RTL4: variants seen among roughly 807,000 people sequenced by gnomAD.
The protein encoded by RTL4 is retrotransposon Gag-like protein 4.
Under a neutral mutation model 5.3 loss-of-function variants are expected in RTL4, and 4 were observed. The observed-to-expected ratio is 0.75, with a 90% confidence interval of 0.37 to 1.72. The LOEUF (loss-of-function observed/expected upper bound fraction) is 1.72. Ranked by LOEUF, RTL4 falls within the 40% of genes most tolerant of loss-of-function variation. The pLI is 0.04. For missense variants in RTL4, 260 were observed against 227.1 expected (o/e 1.14, Z -0.93); for synonymous variants, 98 against 87.3 (o/e 1.12, Z -0.68).
chrX:112,300,732 A>G, the RTL4 span, among the ~76,000 whole-genome samples: 1 of 112,625 alleles, frequency 8.9e-6, no homozygotes, highest in Non-Finnish European at 1.9e-5. Flanking sequence ...ATTTTTTAAA[A>G]AACAGATTCG....
the RTL4 span, among the ~76,000 whole-genome samples, chrX:112,143,450 T>G: frequency 1.8e-5 from 2 of 111,541 alleles, no homozygotes; most frequent in African/African-American, 6.5e-5. Flanking sequence ...TTCCTGGGGA[T>G]GTAGATTCAG....
chrX:112,278,803 C>T, the RTL4 span, among the ~76,000 whole-genome samples: 6 of 110,062 alleles, frequency 5.5e-5, no homozygotes, highest in South Asian at 1.9e-3. Context: ...AGAGGCTATA[C>T]AAGGATAATA....
At chrX:112,204,292 A>G in the RTL4 span, among the ~76,000 whole-genome samples, 4 of 112,302 alleles carry the variant, frequency 3.6e-5, no homozygotes. Context: ...GAGCTACAAT[A>G]TGATCTAGCA....
At chrX:112,375,149 C>T in the RTL4 span, among the ~76,000 whole-genome samples, 1 of 111,242 alleles carries the variant, frequency 9.0e-6, no homozygotes, top group Admixed American at 9.6e-5. Context: ...CCCAATACCA[C>T]AGAGTCAATC....
chrX:112,168,118 A>C, the RTL4 span, among the ~76,000 whole-genome samples: 1 of 110,994 alleles, frequency 9.0e-6, no homozygotes, highest in African/African-American at 3.3e-5. Flanking sequence ...GGATCTGTCA[A>C]GAGATCTGGA....
the RTL4 span, among the ~76,000 whole-genome samples, chrX:112,412,949 CTATCCAT>C: frequency 9.5e-6 from 1 of 105,300 alleles, no homozygotes; most frequent in African/African-American, 3.9e-5. Context: ...TACATGTAAA[CTATCCAT>C]CTGACAAGGG....
the RTL4 span, among the ~76,000 whole-genome samples, chrX:112,390,664 A>G: frequency 9.0e-6 from 1 of 110,778 alleles, no homozygotes; most frequent in Middle Eastern, 4.7e-3. Context: ...AGAAGTCTGC[A>G]GGTAGCCTGA....
At chrX:112,328,342 G>A in the RTL4 span, among the ~76,000 whole-genome samples, 3 of 110,830 alleles carry the variant, frequency 2.7e-5, no homozygotes, top group East Asian at 5.7e-4. Flanking sequence ...ACAAAAAAAA[G>A]GCAGGGGTTG....
At chrX:112,299,724 A>G in the RTL4 span, among the ~76,000 whole-genome samples, 2 of 112,002 alleles carry the variant, frequency 1.8e-5, no homozygotes, top group Admixed American at 1.9e-4. Flanking sequence ...GGGCTTTCCC[A>G]TGGGACATAT....
At chrX:112,214,837 G>A in the RTL4 span, among the ~76,000 whole-genome samples, 1 of 110,012 alleles carries the variant, frequency 9.1e-6, no homozygotes, top group East Asian at 2.8e-4. Flanking sequence ...TGCCCAGGCT[G>A]GAGTACAGTG....
the RTL4 span, among the ~76,000 whole-genome samples, chrX:112,436,335 A>G: frequency 3.6e-5 from 4 of 111,618 alleles, no homozygotes; most frequent in Non-Finnish European, 7.5e-5. Flanking sequence ...GTGGAGTTGA[A>G]TGGGTAGGAT....
chrX:112,394,025 C>T, the RTL4 span, among the ~76,000 whole-genome samples: 2 of 111,146 alleles, frequency 1.8e-5, no homozygotes, highest in African/African-American at 6.6e-5. Context: ...AGATCGAAGG[C>T]CCTGGAGGAG....
the RTL4 span, among the ~76,000 whole-genome samples, chrX:112,401,981 G>A: frequency 2.7e-5 from 3 of 111,531 alleles, no homozygotes; most frequent in Admixed American, 9.5e-5. Context: ...ATTCTGGACC[G>A]GTTTTTCCCT....
At chrX:112,317,051 G>C in the RTL4 span, among the ~76,000 whole-genome samples, 7 of 111,995 alleles carry the variant, frequency 6.3e-5, no homozygotes, top group Non-Finnish European at 1.3e-4. Flanking sequence ...CGGACGGTGG[G>C]AGGGAGCAAA....
At chrX:112,104,525 G>A in the RTL4 span, among the ~76,000 whole-genome samples, 6 of 111,745 alleles carry the variant, frequency 5.4e-5, no homozygotes, top group South Asian at 1.1e-3. Flanking sequence ...TGGTGTGCAA[G>A]CGTTCTCTGT....
the RTL4 span, among the ~76,000 whole-genome samples, chrX:112,132,984 G>A: frequency 8.9e-6 from 1 of 112,079 alleles, no homozygotes; most frequent in Admixed American, 9.4e-5. Flanking sequence ...TTTCAAAATA[G>A]AGTCTTCTTT....
At chrX:112,108,540 G>C in the RTL4 span, among the ~76,000 whole-genome samples, 1 of 111,600 alleles carries the variant, frequency 9.0e-6, no homozygotes, top group East Asian at 2.9e-4. Context: ...TCTTTGGGCT[G>C]TCTGGCATGG....
the RTL4 span, among the ~76,000 whole-genome samples, chrX:112,213,840 T>G: frequency 2.7e-5 from 3 of 110,319 alleles, no homozygotes; most frequent in Non-Finnish European, 5.7e-5. Flanking sequence ...CTTCTTTTTT[T>G]TTTTTTAAAG....
At chrX:112,310,841 A>G in the RTL4 span, among the ~76,000 whole-genome samples, 1 of 88,515 alleles carries the variant, frequency 1.1e-5, no homozygotes, top group Non-Finnish European at 2.1e-5. Context: ...TATATATTAT[A>G]TATAAAATAC....
Sources: gnomAD v4.1 joint callset for allele counts (sites outside exome capture counted in the v4.1 genomes callset) on GRCh38, gnomAD v4.1.1 for gene constraint, MANE v1.5 for transcripts, NCBI Gene and HGNC (gene_info 2026-07-23, HGNC 2026-07-21) for gene names.